ANK2: variants seen among roughly 807,000 people sequenced by gnomAD.
ANK2 encodes the protein ankyrin 2.
In ANK2, 83 loss-of-function variants were observed where a neutral mutation model predicts 360.5. The observed-to-expected ratio is 0.23, with a 90% CI of 0.19 to 0.28. The LOEUF (loss-of-function observed/expected upper bound fraction) is 0.28. Ranked by LOEUF, ANK2 falls within the 10% of genes least tolerant of loss-of-function variation. ANK2 has a pLI of 1.00. For synonymous variants in ANK2, 1,740 were observed against 1,759.5 expected, an observed-to-expected ratio of 0.99 and a Z score of 0.28; for missense variants, 4,201 against 4,795.7, an observed-to-expected ratio of 0.88 and a Z score of 3.66.
chr4:113,100,969 T>C (rs1320441084), intron 1 of ANK2, among the ~76,000 whole-genome samples: 1 of 151,994 alleles, frequency 6.6e-6, no homozygotes, highest in Non-Finnish European at 1.5e-5. Flanking sequence ...AGAACTTTTG[T>C]GGGGAGAAGG....
chr4:112,858,531 C>T (rs2067017118), intron 1 of ANK2, among the ~76,000 whole-genome samples: 2 of 152,054 alleles, frequency 1.3e-5, no homozygotes. Context: ...TCTATTAGAA[C>T]CAATTTGGTT....
At chr4:112,731,293 CAAAAAAA>C in the ANK2 span, among the ~76,000 whole-genome samples, 1 of 65,010 alleles carries the variant, frequency 1.5e-5, no homozygotes, top group Non-Finnish European at 3.2e-5. Context: ...GATGTAGTCT[CAAAAAAA>C]AAAAAAAAAA....
chr4:113,257,237 T>C (rs960147236), intron 11 of ANK2, among the ~76,000 whole-genome samples: 1 of 152,152 alleles, frequency 6.6e-6, no homozygotes, highest in Non-Finnish European at 1.5e-5. Flanking sequence ...AAATATATAA[T>C]ACACGATGAG....
At chr4:113,077,704 T>C (rs561464841) in intron 1 of ANK2, among the ~76,000 whole-genome samples, 159 of 152,362 alleles carry the variant, frequency 1.0e-3, no homozygotes, top group African/African-American at 3.8e-3. Flanking sequence ...GTTCAAGCTG[T>C]CCCCAACGAA....
At position 113,330,299 on chromosome 4, in the gene ANK2, G is replaced by A. The variant is rs1434084734; in HGVS notation, c.2954G>A (p.Arg985Lys). The change falls in exon 27 of 46, where the codon AGA (arginine) becomes AAA (lysine). Residue 985 changes from arginine to lysine, a missense_variant. Physicochemically the swap from Arg to Lys is conservative, Grantham distance 26. Around this residue, in one of 4 missense-constraint regions of ANK2, gnomAD observed 1,268 missense variants for 1,650.8 expected, o/e 0.77. Coordinates refer to ENST00000357077, the MANE Select transcript of ANK2 (RefSeq NM_001148.6). ...DARGGAMRGC[R>K]HNGLRIIIPP... ...CGAGGTGGTGCTATGCGAGGATGCAGACACAATGGGCTCCGAATCATTATT... is the reference window on the plus strand; with the variant it reads ...CGAGGTGGTGCTATGCGAGGATGCAAACACAATGGGCTCCGAATCATTATT... 3 of 1,614,212 alleles carry A rather than the reference G, an allele frequency of 1.9e-6. No individual in the cohort carries two copies. The highest frequency in any genetic ancestry group is 2.5e-6 in the Non-Finnish European group (3 of 1,180,038).
intron 34 of ANK2, 108 bp downstream of exon 34, chr4:113,343,250 C>T: frequency 8.1e-7 from 1 of 1,238,028 alleles, no homozygotes; most frequent in Non-Finnish European, 1.1e-6. Flanking sequence ...TCAGAGTTTT[C>T]TTTTTAACCA....
chr4:113,222,347 A>C (rs1327025490), intron 4 of ANK2, among the ~76,000 whole-genome samples: 1 of 151,896 alleles, frequency 6.6e-6, no homozygotes, highest in Admixed American at 6.6e-5. Flanking sequence ...AAAGGAAGTT[A>C]ATTGTCCAAT....
chr4:113,151,179 A>C (rs1221651470), intron 1 of ANK2: 1 of 1,239,178 alleles, frequency 8.1e-7, no homozygotes, highest in South Asian at 1.3e-5. Flanking sequence ...GTAACTAAGA[A>C]GTTTTAATTA....
At chr4:113,218,820 G>A (rs2099116703) in intron 4 of ANK2, among the ~76,000 whole-genome samples, 1 of 152,144 alleles carries the variant, frequency 6.6e-6, no homozygotes, top group African/African-American at 2.4e-5. Flanking sequence ...CTTATTCTAA[G>A]TGGTTTAATC....
At chr4:113,082,390 C>T (rs1283386032) in intron 1 of ANK2, among the ~76,000 whole-genome samples, 1 of 152,110 alleles carries the variant, frequency 6.6e-6, no homozygotes, top group African/African-American at 2.4e-5. Context: ...CTTCCTGCCT[C>T]TTCTTCCCTA....
At chr4:113,360,299 CCA>C (rs914708730) in intron 38 of ANK2, among the ~76,000 whole-genome samples, 11 of 152,178 alleles carry the variant, frequency 7.2e-5, no homozygotes, top group African/African-American at 2.4e-4. Context: ...TCCAAGGTCA[CCA>C]GGACCAAATG....
At chr4:113,319,511 GA>G (rs1287794288) in intron 26 of ANK2, among the ~76,000 whole-genome samples, 1 of 151,360 alleles carries the variant, frequency 6.6e-6, no homozygotes, top group East Asian at 1.9e-4. Flanking sequence ...ATAAATCCCA[GA>G]ACTATTTGGA....
At chr4:112,714,691 A>G in the ANK2 span, among the ~76,000 whole-genome samples, 1 of 152,214 alleles carries the variant, frequency 6.6e-6, no homozygotes. Context: ...TAAAAAAACA[A>G]TTTCTAAATC....
intron 2 of ANK2, among the ~76,000 whole-genome samples, chr4:112,978,475 C>T (rs1289362937): frequency 6.6e-6 from 1 of 152,170 alleles, no homozygotes; most frequent in Non-Finnish European, 1.5e-5. Context: ...AATAGTAAGG[C>T]CCAGTTTCCC....
intron 1 of ANK2, among the ~76,000 whole-genome samples, chr4:113,109,831 G>A (rs1050327742): frequency 3.3e-5 from 5 of 152,128 alleles, no homozygotes; most frequent in African/African-American, 9.7e-5. Context: ...GGAAACACAT[G>A]CTGTTCATAC....
At chr4:112,951,616 TC>T (rs1301503593) in intron 2 of ANK2, among the ~76,000 whole-genome samples, 1 of 151,974 alleles carries the variant, frequency 6.6e-6, no homozygotes, top group Non-Finnish European at 1.5e-5. Context: ...GTTTATTTTT[TC>T]CCCGAAGGTA....
the ANK2 span, among the ~76,000 whole-genome samples, chr4:112,809,884 GA>G: frequency 6.7e-6 from 1 of 149,942 alleles, no homozygotes; most frequent in Non-Finnish European, 1.5e-5. Context: ...TGAGTACTTA[GA>G]AAATCCCTGC....
intron 4 of ANK2, chr4:113,214,153 T>C (rs1458467718): frequency 1.4e-6 from 1 of 689,794 alleles, no homozygotes. Flanking sequence ...ACTACTTTGC[T>C]GTGAATTGCA....
the ANK2 span, among the ~76,000 whole-genome samples, chr4:112,711,170 G>A: frequency 1.3e-5 from 2 of 148,302 alleles, no homozygotes; most frequent in African/African-American, 5.0e-5. Context: ...AGTGGCTCAC[G>A]CCTGTAATCC....
Sources: gnomAD v4.1 joint callset for allele counts (sites outside exome capture counted in the v4.1 genomes callset) on GRCh38, gnomAD v4.1.1 for gene constraint, gnomAD v4.1.1 regional missense constraint, MANE v1.5 for transcripts, NCBI Gene and HGNC (gene_info 2026-07-23, HGNC 2026-07-21) for gene names.